The following SNX3 variants were observed in gnomAD, a reference collection of about 807,000 sequenced individuals.
SNX3 encodes sorting nexin-3.
A neutral mutation model predicts 17.7 loss-of-function variants in SNX3; 5 were observed. The observed-to-expected ratio is 0.28, with a 90% CI of 0.15 to 0.59. SNX3 has a LOEUF of 0.59. Ranked by LOEUF, SNX3 falls within the 20% of genes least tolerant of loss-of-function variation. The pLI, the probability that SNX3 is intolerant of heterozygous loss-of-function variation, is 0.88. For synonymous variants in SNX3, 91 were observed against 76.5 expected, an observed-to-expected ratio of 1.19 and a Z score of -0.99; for missense variants, 132 against 206.8, an observed-to-expected ratio of 0.64 and a Z score of 2.22.
chr6:108,237,484 G>A (rs1320199468), intron 1 of SNX3, among the ~76,000 whole-genome samples: 4 of 151,968 alleles, frequency 2.6e-5, no homozygotes, highest in African/African-American at 9.7e-5. Flanking sequence ...AACATAAAAG[G>A]CATTAAGAAT....
At position 108,260,959 on chromosome 6, in the gene SNX3, G is replaced by A. The variant is rs557400461; in HGVS notation, c.-38C>T. 13 of 1,487,078 alleles carry A rather than the reference G, an allele frequency of 8.7e-6. No individual in the cohort carries two copies. In the Admixed American group the frequency reaches 1.7e-4, roughly 19 times the overall value. The allele number at this position is 1,487,078 out of a possible 1,614,324, so 92.1% of individuals were successfully genotyped here. ...GCTGCCGCCGCCGCGGGCTCCCTCC[G>A]CCCCCTCCGCGTTCAGCCGCCGCCG... is the stretch of plus-strand genomic sequence containing the variant. On this transcript the variant is annotated 5_prime_UTR_variant, in exon 1 of 4. Coordinates refer to ENST00000230085, the MANE Select transcript of SNX3 (RefSeq NM_003795.6).
chr6:108,219,411 G>C (rs984195487), intron 2 of SNX3, among the ~76,000 whole-genome samples: 2 of 152,034 alleles, frequency 1.3e-5, no homozygotes, highest in Non-Finnish European at 2.9e-5. Context: ...TTCAAGACCA[G>C]CCTGGGCAAC....
At chr6:108,212,345 T>A in intron 3 of SNX3, 91 bp from the exon 4 acceptor site, 1 of 353,918 alleles carries the variant, frequency 2.8e-6, no homozygotes, top group Non-Finnish European at 4.6e-6. Flanking sequence ...GCATGTATAA[T>A]TTTTTTTTTT....
chr6:108,217,354 G>A (rs903081961), intron 2 of SNX3, among the ~76,000 whole-genome samples: 4 of 152,042 alleles, frequency 2.6e-5, no homozygotes, highest in Admixed American at 2.6e-4. Context: ...GGAGGTGGTA[G>A]GCAACAGGAT....
chr6:108,255,090 A>G (rs1419642020), intron 1 of SNX3, among the ~76,000 whole-genome samples: 1 of 152,240 alleles, frequency 6.6e-6, no homozygotes, highest in Non-Finnish European at 1.5e-5. Flanking sequence ...TTAACAGAAC[A>G]GAATCCCTAA....
chr6:108,216,254 A>AT (rs1774574064), intron 2 of SNX3, among the ~76,000 whole-genome samples: 1 of 152,048 alleles, frequency 6.6e-6, no homozygotes, highest in Non-Finnish European at 1.5e-5. Flanking sequence ...TAATTTTTCT[A>AT]TTTTTTGTGG....
chr6:108,253,546 T>C (rs748572160), intron 1 of SNX3, among the ~76,000 whole-genome samples: 21 of 152,330 alleles, frequency 1.4e-4, no homozygotes, highest in African/African-American at 2.9e-4. Flanking sequence ...GCTGTAGAGA[T>C]TGGTATGCTT....
At position 108,224,767 on chromosome 6, in the gene SNX3, T is replaced by C. The variant is rs560319586; in HGVS notation, c.163-1722A>G. On this transcript the variant is annotated intron_variant, in intron 1 of 3. Transcript: ENST00000230085. ...TAGTAGGAAATTAAATCGTACTCAG[T>C]AGACCAAGCTCATAAACCCAGAGCT... Among the ~76,000 whole-genome samples the C allele has an allele frequency of 2.6e-5, 4 of 152,286 alleles. 1 individual carries two copies. In the South Asian group the frequency reaches 8.3e-4, roughly 32 times the overall value.
intron 1 of SNX3, among the ~76,000 whole-genome samples, chr6:108,236,776 T>C (rs1333224494): frequency 1.3e-5 from 2 of 152,210 alleles, no homozygotes; most frequent in Non-Finnish European, 2.9e-5. Context: ...TGAAAATGAA[T>C]GTTTAATAAG....
chr6:108,246,860 CACACTGG>C (rs1254593943), intron 1 of SNX3, among the ~76,000 whole-genome samples: 5 of 152,012 alleles, frequency 3.3e-5, no homozygotes, highest in African/African-American at 4.8e-5. Context: ...GGCTCAAGTC[CACACTGG>C]ATTAGCTTCT....
chr6:108,246,396 C>G (rs1390076253), intron 1 of SNX3, among the ~76,000 whole-genome samples: 1 of 136,674 alleles, frequency 7.3e-6, no homozygotes, highest in Non-Finnish European at 1.5e-5. Context: ...GCAATCTCAG[C>G]TCACTGCAAC....
chr6:108,240,698 CA>C (rs1775489025), intron 1 of SNX3, among the ~76,000 whole-genome samples: 1 of 152,140 alleles, frequency 6.6e-6, no homozygotes, highest in African/African-American at 2.4e-5. Flanking sequence ...AAACCAACAG[CA>C]ACATTGGCAG....
chr6:108,238,113 AAAAAAAAC>A (rs1200886440), intron 1 of SNX3, among the ~76,000 whole-genome samples: 1 of 151,428 alleles, frequency 6.6e-6, no homozygotes, highest in African/African-American at 2.4e-5. Flanking sequence ...AAAAAAAAAA[AAAAAAAAC>A]AAACAAAAAA....
At chr6:108,260,286 C>A (rs7774768) in intron 1 of SNX3, among the ~76,000 whole-genome samples, 3,939 of 152,290 alleles carry the variant, frequency 0.026, 121 homozygotes, top group South Asian at 0.087. Flanking sequence ...GAAGACTGCA[C>A]AACCCAGGTT....
intron 1 of SNX3, among the ~76,000 whole-genome samples, chr6:108,244,784 C>T (rs1582501742): frequency 6.6e-6 from 1 of 150,522 alleles, no homozygotes; most frequent in Non-Finnish European, 1.5e-5. Flanking sequence ...GGACTACAGG[C>T]ATGCACCACC....
rs1373887542 is a variant in SNX3 at position 108,240,376 on chromosome 6, G to A, written c.163-17331C>T. ...TGGGATTACCGGCACCCACCACCAC[G>A]CCTGGCTAATTTTTGTATTTTTAGT... On this transcript the variant is annotated intron_variant, in intron 1 of 3. Transcript: ENST00000230085. Among the ~76,000 whole-genome samples the A allele has an allele frequency of 9.9e-5, 15 of 152,190 alleles. 1 individual carries two copies. The East Asian group carries it at 1.7e-3, about 18-fold the overall frequency.
At chr6:108,231,955 T>C (rs963796196) in intron 1 of SNX3, among the ~76,000 whole-genome samples, 3 of 152,226 alleles carry the variant, frequency 2.0e-5, no homozygotes, top group African/African-American at 7.2e-5. Context: ...GGGTTTATAG[T>C]CTACTTGGAT....
At chr6:108,258,155 G>A (rs1776084457) in intron 1 of SNX3, among the ~76,000 whole-genome samples, 2 of 151,604 alleles carry the variant, frequency 1.3e-5, no homozygotes, top group African/African-American at 2.4e-5. Context: ...CTCATTAATC[G>A]TTCTTAAAAA....
chr6:108,234,238 C>CATATATATATATAT lies in SNX3; in HGVS notation c.163-11207_163-11194dup, dbSNP rs10655859. Reference sequence around the variant, plus strand: ...AGGCAAAATTAAAATATATAAAAAACATATATATATATATATAACATATAC... The same window carrying CATATATATATATAT: ...AGGCAAAATTAAAATATATAAAAAACATATATATATATATATATATATATATATATAACATATAC... On this transcript the variant is annotated intron_variant, in intron 1 of 3. Transcript: ENST00000230085. 2.5e-3 allele frequency among the ~76,000 whole-genome samples: 372 copies of CATATATATATATAT among 148,210 alleles called. 1 individual carries two copies. The highest frequency in any genetic ancestry group is 8.8e-3 in the African/African-American group (351 of 40,022).
Sources: gnomAD v4.1 joint callset for allele counts (sites outside exome capture counted in the v4.1 genomes callset) on GRCh38, gnomAD v4.1.1 for gene constraint, MANE v1.5 for transcripts, NCBI Gene and HGNC (gene_info 2026-07-23, HGNC 2026-07-21) for gene names.